The following CMYA5 variants were observed in gnomAD, a reference collection of about 807,000 sequenced individuals.
The protein encoded by CMYA5 is cardiomyopathy-associated protein 5.
In CMYA5, 246 loss-of-function variants were observed where a neutral mutation model predicts 318.9. The ratio of observed to expected loss-of-function variants is 0.77; its 90% CI spans 0.70 to 0.86. The LOEUF (loss-of-function observed/expected upper bound fraction) is 0.86. CMYA5 is among the 40% of genes least tolerant of loss of function. The pLI is 0.00. For synonymous variants in CMYA5, 1,641 were observed against 1,729.5 expected (o/e 0.95, Z 1.27); for missense variants, 4,589 against 4,678.2 (o/e 0.98, Z 0.56).
chr5:79,735,268 A>G lies in CMYA5; in HGVS notation c.6503A>G (p.Glu2168Gly). 1 of 1,613,866 alleles carries G rather than the reference A, an allele frequency of 6.2e-7. No individual in the cohort carries two copies. The highest frequency in any genetic ancestry group is 1.1e-5 in the South Asian group (1 of 91,078). Residue 2168 changes from glutamate (E) to glycine (G), a missense_variant, in exon 2 of 13, where the codon GAG becomes GGG. Physicochemically the swap from Glu to Gly is moderately conservative, Grantham distance 98. This residue lies in a region of CMYA5 where 2,431 missense variants were observed against 2,495.1 expected (regional missense o/e 0.97). Transcript: ENST00000446378. ...QPKVAKPDLP[E>G]EKGKKGISSF... is the part of the protein sequence containing the mutation. ...AAGGTGGCTAAGCCGGACCTTCCTG[A>G]GGAAAAGGGAAAGAAAGGAATTTCA...
At position 79,738,471 on chromosome 5, in the gene CMYA5, A is replaced by G; in HGVS notation, c.9706A>G (p.Ile3236Val). The G allele has an allele frequency of 2.5e-6, 4 of 1,613,728 alleles. No homozygotes were observed. The highest frequency in any genetic ancestry group is 2.5e-6 in the Non-Finnish European group (3 of 1,179,860). The change falls in exon 2 of 13, where the codon ATA becomes GTA. Residue 3236 changes from isoleucine to valine, a missense_variant. Around this residue, in one of 3 missense-constraint regions of CMYA5, gnomAD observed 2,431 missense variants for 2,495.1 expected, o/e 0.97. Coordinates refer to ENST00000446378, the MANE Select transcript of CMYA5 (RefSeq NM_153610.5). ...RNSDTDDGTG[I>V]YFEKYILKDD... Reference sequence around the variant, plus strand: ...TTCTGACACTGATGATGGAACAGGAATATATTTTGAGAAGTACATACTCAA... The same window carrying G: ...TTCTGACACTGATGATGGAACAGGAGTATATTTTGAGAAGTACATACTCAA...
intron 4 of CMYA5, among the ~76,000 whole-genome samples, chr5:79,746,015 T>C (rs766495300): frequency 3.9e-5 from 6 of 152,178 alleles, no homozygotes; most frequent in Non-Finnish European, 8.8e-5. Context: ...GCAGGTAACT[T>C]GTAGACATGG....
chr5:79,775,720 T>C (rs1828927205), intron 9 of CMYA5, among the ~76,000 whole-genome samples: 1 of 152,182 alleles, frequency 6.6e-6, no homozygotes, highest in African/African-American at 2.4e-5. Flanking sequence ...AGAGCAGTTT[T>C]ACAAAAGCTG....
intron 1 of CMYA5, among the ~76,000 whole-genome samples, chr5:79,725,945 A>G (rs1028835576): frequency 7.3e-6 from 1 of 136,330 alleles, no homozygotes; most frequent in African/African-American, 2.6e-5. Context: ...AAATTAAAAA[A>G]GAATGTTTGG....
In CMYA5 at chr5:79,731,296, C is replaced by T; in HGVS notation, c.2531C>T (p.Ser844Phe). The change falls in exon 2 of 13, where the codon TCT becomes TTT. Residue 844 changes from serine to phenylalanine, a missense_variant. By Grantham distance (155) the Ser-to-Phe change is radical. This residue lies in a region of CMYA5 where 2,132 missense variants were observed against 2,131.3 expected (regional missense o/e 1.00). Transcript: ENST00000446378. ...GACGGCAAGGAGGTCATTGGACCAT[C>T]TTCCCCAGATTTGGTTGTTGCATCT... The part of the protein sequence containing the change: ...SVDGKEVIGP[S>F]SPDLVVASEH... 10 of 1,613,920 alleles carry T rather than the reference C, an allele frequency of 6.2e-6. No homozygotes were observed. The highest frequency in any genetic ancestry group is 8.5e-6 in the Non-Finnish European group (10 of 1,179,862).
At chr5:79,708,005 G>C (rs1827307347) in intron 1 of CMYA5, among the ~76,000 whole-genome samples, 1 of 152,142 alleles carries the variant, frequency 6.6e-6, no homozygotes, top group African/African-American at 2.4e-5. Context: ...TCATAAGATT[G>C]CCAATCCCAT....
chr5:79,731,837 T>C lies in CMYA5; in HGVS notation c.3072T>C (p.Asp1024=). The C allele has an allele frequency of 6.2e-7, 1 of 1,613,178 alleles. No individual in the cohort carries two copies. Among genetic ancestry groups the C allele is most frequent in the Non-Finnish European group, 8.5e-7 (1 of 1,179,720 alleles). ...CAGAGAAAAATGAACTTGAGCCTGA[T>C]TCACTATTAACTGCAGTGTCTGCTT... ...SETEKNELEP[D]SLLTAVSASG... The change falls in exon 2 of 13, where the codon GAT becomes GAC. Residue 1024 remains aspartate (D), a synonymous_variant. Transcript: ENST00000446378.
rs191417622 is a variant in CMYA5 at position 79,753,880 on chromosome 5, T to C, written c.11110+1086T>C. Among the ~76,000 whole-genome samples the C allele has an allele frequency of 8.8e-4, 134 of 152,368 alleles. 1 individual carries two copies. Among genetic ancestry groups the C allele is most frequent in the Admixed American group, 1.4e-3 (21 of 15,306 alleles). ...GTAATGTCTTTAAGAGGGATTAGACTAGGACAGTGATTGCAAACTAAGAAA... is the reference window on the plus strand; with the variant it reads ...GTAATGTCTTTAAGAGGGATTAGACCAGGACAGTGATTGCAAACTAAGAAA... On this transcript the variant is annotated intron_variant, in intron 6 of 12. Coordinates refer to ENST00000446378, the MANE Select transcript of CMYA5 (RefSeq NM_153610.5).
Position 79,730,439 on chromosome 5 carries a change from A to C in CMYA5, c.1674A>C (p.Lys558Asn), listed in dbSNP as rs975565074. Residue 558 changes from lysine (K) to asparagine (N), a missense_variant, in exon 2 of 13, where the codon AAA (lysine) becomes AAC (asparagine). Lys to Asn is a moderately conservative substitution (Grantham distance 94). Around this residue, in one of 3 missense-constraint regions of CMYA5, gnomAD observed 2,132 missense variants for 2,131.3 expected, o/e 1.00. Transcript: ENST00000446378. Reference protein sequence around the residue: ...PPHMSPEVEHKEEELILPLLA... With the variant: ...PPHMSPEVEHNEEELILPLLA... ...ATATGTCCCCTGAAGTGGAGCACAA[A>C]GAAGAAGAGCTTATTCTACCATTAT... The C allele has an allele frequency of 6.2e-7, 1 of 1,613,694 alleles. No individual in the cohort carries two copies. Among genetic ancestry groups the C allele is most frequent in the East Asian group, 2.2e-5 (1 of 44,878 alleles).
chr5:79,731,984 T>C lies in CMYA5; in HGVS notation c.3219T>C (p.Ser1073=). ...KQKAETFPLM[S]PLEDLSLPPS... ...AAGCTGAAACTTTCCCTTTGATGTC[T>C]CCGCTTGAAGACTTAAGTCTGCCGC... The change falls in exon 2 of 13, where the codon TCT becomes TCC. Residue 1073 remains serine (S), a synonymous_variant. Coordinates refer to ENST00000446378, the MANE Select transcript of CMYA5 (RefSeq NM_153610.5). The C allele has an allele frequency of 8.1e-6, 13 of 1,613,790 alleles. No homozygotes were observed. The highest frequency in any genetic ancestry group is 1.1e-5 in the Non-Finnish European group (13 of 1,179,834).
intron 1 of CMYA5, among the ~76,000 whole-genome samples, chr5:79,727,514 A>G (rs1054389028): frequency 6.6e-6 from 1 of 152,190 alleles, no homozygotes; most frequent in Admixed American, 6.6e-5. Flanking sequence ...TGTTTTTAAC[A>G]GAAGGTTTTT....
rs570396223 is a variant in CMYA5 at position 79,734,530 on chromosome 5, A to G, written c.5765A>G (p.Asn1922Ser). The change falls in exon 2 of 13, where the codon AAT becomes AGT. Residue 1922 changes from asparagine (N) to serine (S), a missense_variant. Physicochemically the swap from Asn to Ser is conservative, Grantham distance 46 (BLOSUM62 1). Around this residue, in one of 3 missense-constraint regions of CMYA5, gnomAD observed 2,431 missense variants for 2,495.1 expected, o/e 0.97. Coordinates refer to ENST00000446378, the MANE Select transcript of CMYA5 (RefSeq NM_153610.5). ...GSVQLDSSSS[N>S]ELRPGQLKAA... ...GTGCAGCTGGATTCCTCTAGCAGCAATGAGCTGAGGCCAGGGCAGCTCAAG... is the reference window on the plus strand; with the variant it reads ...GTGCAGCTGGATTCCTCTAGCAGCAGTGAGCTGAGGCCAGGGCAGCTCAAG... 26 of 1,613,774 alleles carry G rather than the reference A, an allele frequency of 1.6e-5. No individual in the cohort carries two copies. Among genetic ancestry groups the G allele is most frequent in the South Asian group, 9.9e-5 (9 of 91,070 alleles).
intron 1 of CMYA5, among the ~76,000 whole-genome samples, chr5:79,709,948 G>A: frequency 2.1e-5 from 2 of 96,334 alleles, no homozygotes; most frequent in Admixed American, 1.7e-4. Flanking sequence ...GTGACAGAGT[G>A]AGACTCCATC....
Position 79,713,461 on chromosome 5 carries a change from T to C in CMYA5, c.150-15454T>C, listed in dbSNP as rs1827444095. On this transcript the variant is annotated intron_variant, in intron 1 of 12. Coordinates refer to ENST00000446378, the MANE Select transcript of CMYA5 (RefSeq NM_153610.5). ...TGTAACAATGCTGTCACACCATAGC[T>C]TATTTATTTTGGTTCTCTGGACCTG... is the stretch of plus-strand genomic sequence containing the variant. 2.6e-5 allele frequency among the ~76,000 whole-genome samples: 4 copies of C among 152,146 alleles called. No homozygotes were observed. The South Asian group carries it at 8.3e-4, about 32-fold the overall frequency.
rs11423461 is a variant in CMYA5 at position 79,746,547 on chromosome 5, T to TAAAAAAAAAAAAAAAAA, written c.10969-537_10969-521dup. Among the ~76,000 whole-genome samples the TAAAAAAAAAAAAAAAAA allele has an allele frequency of 8.7e-5, 6 of 68,896 alleles. 1 individual carries two copies. Among genetic ancestry groups the TAAAAAAAAAAAAAAAAA allele is most frequent in the Admixed American group, 1.7e-4 (1 of 5,758 alleles). The allele number at this position is 68,896 out of a possible 152,430, so 45.2% of individuals were successfully genotyped here. On this transcript the variant is annotated intron_variant, in intron 4 of 12. Transcript: ENST00000446378. ...TACTTCTTTCTAGAAGAGCAAACTG[T>TAAAAAAAAAAAAAAAAA]AAAAAAAAAAAAAAAAAAAAAAAGG...
rs772934201 is a variant in CMYA5 at position 79,730,001 on chromosome 5, T to A, written c.1236T>A (p.Ser412=). The change falls in exon 2 of 13, where the codon TCT becomes TCA. Residue 412 remains serine (S), a synonymous_variant. Transcript: ENST00000446378. ...SPGTAASEND[S]SVSPSFANEV... ...GAACTGCAGCTTCAGAGAATGACTC[T>A]TCAGTCTCACCATCATTTGCTAATG... 6.2e-7 allele frequency: 1 copy of A among 1,613,912 alleles called. No individual in the cohort carries two copies. Among genetic ancestry groups the A allele is most frequent in the African/African-American group, 1.3e-5 (1 of 74,946 alleles).
At chr5:79,714,908 A>C (rs935010360) in intron 1 of CMYA5, among the ~76,000 whole-genome samples, 9 of 152,130 alleles carry the variant, frequency 5.9e-5, no homozygotes, top group Non-Finnish European at 1.3e-4. Context: ...ACTTCTTAGA[A>C]CTTAAAAACA....
chr5:79,785,133 T>A (rs1829060268), intron 9 of CMYA5, among the ~76,000 whole-genome samples: 1 of 151,998 alleles, frequency 6.6e-6, no homozygotes, highest in Non-Finnish European at 1.5e-5. Context: ...TATGTTTGGG[T>A]CTATTCCTGA....
intron 1 of CMYA5, among the ~76,000 whole-genome samples, chr5:79,696,931 C>T (rs944430218): frequency 1.1e-4 from 16 of 151,780 alleles, no homozygotes; most frequent in Admixed American, 2.6e-4. Flanking sequence ...CACTTGAACC[C>T]GGGAGGCGGA....
Sources: gnomAD v4.1 joint callset for allele counts (sites outside exome capture counted in the v4.1 genomes callset) on GRCh38, gnomAD v4.1.1 for gene constraint, gnomAD v4.1.1 regional missense constraint, MANE v1.5 for transcripts, NCBI Gene and HGNC (gene_info 2026-07-23, HGNC 2026-07-21) for gene names.